Variants in PRKN observed in about 807,000 individuals in gnomAD.
The protein encoded by PRKN is E3 ubiquitin-protein ligase parkin.
PRKN carries 56 observed loss-of-function variants against 59.5 expected under a neutral mutation model. That is an observed-to-expected ratio of 0.94 (90% CI 0.76 to 1.18). PRKN has a LOEUF of 1.18. PRKN is among the 50% of genes most tolerant of loss of function. The pLI is 0.00. For synonymous variants in PRKN, 250 were observed against 222.1 expected (o/e 1.13, Z -1.12); for missense variants, 657 against 596.4 (o/e 1.10, Z -1.06).
chr6:161,828,283 G>A (rs1792330633), intron 6 of PRKN, among the ~76,000 whole-genome samples: 1 of 152,142 alleles, frequency 6.6e-6, no homozygotes, highest in Non-Finnish European at 1.5e-5. Flanking sequence ...ATAATTTCTT[G>A]TTTTTCTGGC....
chr6:162,036,063 G>T (rs1490434041), intron 5 of PRKN, among the ~76,000 whole-genome samples: 1 of 152,074 alleles, frequency 6.6e-6, no homozygotes, highest in East Asian at 2.0e-4. Context: ...GGTGGCTCAC[G>T]CCTGTAATCC....
chr6:161,713,665 G>A (rs1162412746), intron 7 of PRKN, among the ~76,000 whole-genome samples: 1 of 152,088 alleles, frequency 6.6e-6, no homozygotes, highest in Non-Finnish European at 1.5e-5. Context: ...CGACCTCACT[G>A]TCCATCACTC....
At chr6:162,211,020 T>C (rs1194955735) in intron 3 of PRKN, among the ~76,000 whole-genome samples, 1 of 152,178 alleles carries the variant, frequency 6.6e-6, no homozygotes, top group South Asian at 2.1e-4. Flanking sequence ...ATGGGTTGAA[T>C]GGTGTCCCCA....
At position 162,224,779 on chromosome 6, in the gene PRKN, T is replaced by A. The variant is rs919266753; in HGVS notation, c.413-23527A>T. On this transcript the variant is annotated intron_variant, in intron 3 of 11. Transcript: ENST00000366898. Reference sequence around the variant, plus strand: ...AGTATTATACGCCCTAGGGAGAAAATCATGGCAAAAAATTAAGGTTGTTGC... The same window carrying A: ...AGTATTATACGCCCTAGGGAGAAAAACATGGCAAAAAATTAAGGTTGTTGC... Among the ~76,000 whole-genome samples, 30 of 152,036 alleles carry A rather than the reference T, an allele frequency of 2.0e-4. 1 individual carries two copies. The highest frequency in any genetic ancestry group is 7.0e-4 in the African/African-American group (29 of 41,480).
At chr6:161,504,756 T>A (rs1778092874) in intron 9 of PRKN, among the ~76,000 whole-genome samples, 1 of 148,434 alleles carries the variant, frequency 6.7e-6, no homozygotes, top group Non-Finnish European at 1.5e-5. Context: ...TTCCCACCTA[T>A]GAGTGAGAAT....
chr6:162,614,112 TTC>T (rs1488777712), intron 1 of PRKN, among the ~76,000 whole-genome samples: 1 of 152,186 alleles, frequency 6.6e-6, no homozygotes. Context: ...AGTCAAATGA[TTC>T]TGACAATATT....
intron 4 of PRKN, among the ~76,000 whole-genome samples, chr6:162,117,170 G>A (rs1050917345): frequency 2.6e-5 from 4 of 152,192 alleles, no homozygotes; most frequent in African/African-American, 9.6e-5. Flanking sequence ...AAAGTGGGAA[G>A]GGAGAGAAAG....
chr6:162,645,983 T>A (rs1367516010), intron 1 of PRKN, among the ~76,000 whole-genome samples: 3 of 148,822 alleles, frequency 2.0e-5, no homozygotes, highest in African/African-American at 7.4e-5. Context: ...CATGCCACTC[T>A]CCTGCCTCAG....
chr6:162,212,104 A>G (rs2128074465), intron 3 of PRKN, among the ~76,000 whole-genome samples: 1 of 152,260 alleles, frequency 6.6e-6, no homozygotes, highest in Middle Eastern at 3.4e-3. Context: ...TTTCTATATC[A>G]TGAGTATCTC....
chr6:161,684,443 C>G (rs1017355877), intron 7 of PRKN, among the ~76,000 whole-genome samples: 8 of 152,076 alleles, frequency 5.3e-5, no homozygotes, highest in African/African-American at 1.9e-4. Flanking sequence ...AATCACTGCC[C>G]ACTATTCAGC....
chr6:162,199,706 G>A (rs1271482800), intron 4 of PRKN, among the ~76,000 whole-genome samples: 2 of 152,156 alleles, frequency 1.3e-5, no homozygotes, highest in South Asian at 2.1e-4. Context: ...TTCTTGTGTG[G>A]CTTTGACTCT....
chr6:162,675,252 G>C (rs35676172), intron 1 of PRKN, among the ~76,000 whole-genome samples: 1 of 151,944 alleles, frequency 6.6e-6, no homozygotes, highest in Non-Finnish European at 1.5e-5. Context: ...GTTTCACAAC[G>C]TTGGCCAGAA....
intron 3 of PRKN, among the ~76,000 whole-genome samples, chr6:162,250,536 T>C (rs535086523): frequency 6.6e-6 from 1 of 152,336 alleles, no homozygotes; most frequent in East Asian, 1.9e-4. Flanking sequence ...ATAAATAATG[T>C]GTAACTAGCT....
chr6:162,036,251 G>A (rs1024130775), intron 5 of PRKN, among the ~76,000 whole-genome samples: 16 of 151,892 alleles, frequency 1.1e-4, no homozygotes, highest in South Asian at 4.2e-4. Flanking sequence ...GTGAACCCGG[G>A]AGGCGGAGCT....
At chr6:162,204,983 C>T (rs922627809) in intron 3 of PRKN, among the ~76,000 whole-genome samples, 2 of 152,012 alleles carry the variant, frequency 1.3e-5, no homozygotes, top group African/African-American at 4.8e-5. Context: ...CTGCCTCAAC[C>T]TCCTGAGTAG....
intron 2 of PRKN, among the ~76,000 whole-genome samples, chr6:162,366,469 T>A (rs4709599): frequency 3.3e-5 from 5 of 152,080 alleles, no homozygotes; most frequent in Admixed American, 3.3e-4. Flanking sequence ...GACATTTCTT[T>A]AAATTTTCAA....
intron 4 of PRKN, among the ~76,000 whole-genome samples, chr6:162,170,157 T>C (rs1248039069): frequency 4.6e-5 from 7 of 152,150 alleles, no homozygotes; most frequent in African/African-American, 1.7e-4. Flanking sequence ...CCTTTCTTAC[T>C]CTCTGTCTCC....
intron 2 of PRKN, among the ~76,000 whole-genome samples, chr6:162,394,042 C>A (rs1185073833): frequency 6.6e-6 from 1 of 152,040 alleles, no homozygotes; most frequent in Non-Finnish European, 1.5e-5. Flanking sequence ...TCAAAAGTAT[C>A]CAAAATTTTT....
chr6:162,638,648 T>C (rs1160960851), intron 1 of PRKN, among the ~76,000 whole-genome samples: 7 of 151,816 alleles, frequency 4.6e-5, no homozygotes, highest in South Asian at 2.1e-4. Flanking sequence ...CATTCTTCCA[T>C]AAAAAACTTT....
Sources: gnomAD v4.1 joint callset for allele counts (sites outside exome capture counted in the v4.1 genomes callset) on GRCh38, gnomAD v4.1.1 for gene constraint, MANE v1.5 for transcripts, NCBI Gene and HGNC (gene_info 2026-07-23, HGNC 2026-07-21) for gene names.